Variants in MBOAT1 observed in about 807,000 individuals in gnomAD.
MBOAT1 encodes membrane-bound glycerophospholipid O-acyltransferase 1.
MBOAT1 carries 67 observed loss-of-function variants against 64.4 expected under a neutral mutation model. That is an observed-to-expected ratio of 1.04 (90% CI 0.85 to 1.27). The LOEUF is 1.27. MBOAT1 is among the 50% of genes most tolerant of loss of function. MBOAT1 has a pLI of 0.00. For synonymous variants in MBOAT1, 229 were observed against 218.9 expected, an observed-to-expected ratio of 1.05 and a Z score of -0.41; for missense variants, 563 against 604.6, an observed-to-expected ratio of 0.93 and a Z score of 0.72.
At chr6:20,205,002 G>C (rs1054194872) in intron 1 of MBOAT1, among the ~76,000 whole-genome samples, 2 of 152,148 alleles carry the variant, frequency 1.3e-5, no homozygotes, top group Non-Finnish European at 2.9e-5. Context: ...TTTAAGACCA[G>C]CCTGAGCAAC....
In MBOAT1 at chr6:20,113,062, G is replaced by A. The variant is rs113606223; in HGVS notation, c.1077-54C>T. 2.0e-3 allele frequency: 3,188 copies of A among 1,582,756 alleles called. 58 individuals carry two copies. In the African/African-American group the frequency reaches 0.038, roughly 19 times the overall value. ...GGTGAAACATACCAGAAACTTCTAAGTACAGCTGCTGTTTCTTGGATAAGA... is the reference window on the plus strand; with the variant it reads ...GGTGAAACATACCAGAAACTTCTAAATACAGCTGCTGTTTCTTGGATAAGA... On this transcript the variant is annotated intron_variant, in intron 10 of 12. Transcript: ENST00000324607.
At position 20,151,263 on chromosome 6, in the gene MBOAT1, C is replaced by A. The variant is rs1323795076; in HGVS notation, c.246-1G>T. ...CAGCACAAAAAGATGCACAGAGTAC[C>A]TTTAAGACATAATAGTAGGGGGAGG... On this transcript the variant is annotated splice_acceptor_variant, in intron 2 of 12. Transcript: ENST00000324607. LOFTEE classifies it high-confidence loss of function. 6.2e-7 allele frequency: 1 copy of A among 1,607,378 alleles called. No individual in the cohort carries two copies. The highest frequency in any genetic ancestry group is 1.1e-5 in the South Asian group (1 of 90,896).
intron 4 of MBOAT1, among the ~76,000 whole-genome samples, chr6:20,133,036 A>G (rs1760878668): frequency 6.6e-6 from 1 of 152,232 alleles, no homozygotes; most frequent in Non-Finnish European, 1.5e-5. Context: ...AAGATAAACT[A>G]TTTTAAAGAA....
intron 12 of MBOAT1, among the ~76,000 whole-genome samples, chr6:20,105,014 T>C (rs1171664771): frequency 2.0e-5 from 3 of 152,224 alleles, no homozygotes; most frequent in African/African-American, 7.2e-5. Context: ...AGTGACCATC[T>C]AATCTACTGT....
chr6:20,128,904 C>A, intron 5 of MBOAT1, 151 bp from the exon 6 acceptor site: 2 of 586,170 alleles, frequency 3.4e-6, no homozygotes, highest in Non-Finnish European at 5.9e-6. Context: ...TTTTTTAATG[C>A]CCTGGACCAA....
chr6:20,198,323 C>T (rs888102486), intron 1 of MBOAT1, among the ~76,000 whole-genome samples: 3 of 152,134 alleles, frequency 2.0e-5, no homozygotes, highest in East Asian at 1.9e-4. Context: ...CTTCTAAAAT[C>T]CTGCAAGTCA....
rs200148384 is a variant in MBOAT1, at chr6:20,144,306, A to C, written c.333T>G (p.Phe111Leu). ...TTGTAAGATATCCCATTGCTACAAA[A>C]AAGGAATATCTGAAAGCAAAAACAT... Reference protein sequence around the residue: ...ASVSNIHRYSFFVAMGYLTIC... With the variant: ...ASVSNIHRYSLFVAMGYLTIC... The change falls in exon 4 of 13, where the codon TTT becomes TTG. Residue 111 changes from phenylalanine (F) to leucine (L), a missense_variant. Physicochemically the swap from Phe to Leu is conservative, Grantham distance 22. Transcript: ENST00000324607. 69 of 1,608,618 alleles carry C rather than the reference A, an allele frequency of 4.3e-5. No homozygotes were observed. The highest frequency in any genetic ancestry group is 5.4e-5 in the Non-Finnish European group (64 of 1,176,286).
At chr6:20,212,048 G>T (rs1237515223) in intron 1 of MBOAT1, 88 bp downstream of exon 1, 3 of 1,158,244 alleles carry the variant, frequency 2.6e-6, no homozygotes, top group African/African-American at 3.0e-5. Context: ...CGCCATGGAG[G>T]CGGAGGGACG....
At chr6:20,136,086 T>G (rs1760983105) in intron 4 of MBOAT1, among the ~76,000 whole-genome samples, 1 of 152,136 alleles carries the variant, frequency 6.6e-6, no homozygotes, top group Admixed American at 6.5e-5. Context: ...ACAGCTTCAG[T>G]GGAATGCTCC....
At chr6:20,185,588 C>T (rs76483747) in intron 1 of MBOAT1, among the ~76,000 whole-genome samples, 4,285 of 152,258 alleles carry the variant, frequency 0.028, 193 homozygotes, top group African/African-American at 0.094. Flanking sequence ...CATAATCTTT[C>T]GCTCTCTCCA....
chr6:20,121,931 G>A (rs1217976254), intron 8 of MBOAT1, among the ~76,000 whole-genome samples: 3 of 152,148 alleles, frequency 2.0e-5, no homozygotes, highest in Non-Finnish European at 4.4e-5. Context: ...TTGGGAGGCT[G>A]AGGCGGGTGA....
intron 12 of MBOAT1, among the ~76,000 whole-genome samples, chr6:20,107,806 G>C (rs1243687840): frequency 1.3e-5 from 2 of 149,188 alleles, no homozygotes; most frequent in African/African-American, 5.0e-5. Flanking sequence ...AAAAAAAAAA[G>C]CATGTTAGAA....
chr6:20,111,008 T>C (rs1484376968), intron 11 of MBOAT1, among the ~76,000 whole-genome samples: 1 of 152,240 alleles, frequency 6.6e-6, no homozygotes, highest in African/African-American at 2.4e-5. Flanking sequence ...CCTGTGCTAA[T>C]GATTTGCATG....
Position 20,168,637 on chromosome 6 carries a change from AGAAGAGAGG to A in MBOAT1, c.100-15877_100-15869del, listed in dbSNP as rs1436973522. Among the ~76,000 whole-genome samples the A allele has an allele frequency of 7.7e-3, 965 of 126,008 alleles. 30 individuals carry two copies. The highest frequency in any genetic ancestry group is 0.026 in the African/African-American group (917 of 34,804). The allele number at this position is 126,008 out of a possible 152,430, so 82.7% of individuals were successfully genotyped here. On this transcript the variant is annotated intron_variant, in intron 1 of 12. Transcript: ENST00000324607. Reference sequence around the variant, plus strand: ...AGAAGAGAAGAGAAGAGAAGAGAAGAGAAGAGAGGAGAGGAGAGGGAAAGAGAGAAAGAG... The same window carrying A: ...AGAAGAGAAGAGAAGAGAAGAGAAGAAGAGGAGAGGGAAAGAGAGAAAGAG...
chr6:20,157,706 AG>A (rs1761735186), intron 1 of MBOAT1, among the ~76,000 whole-genome samples: 1 of 152,062 alleles, frequency 6.6e-6, no homozygotes, highest in South Asian at 2.1e-4. Flanking sequence ...AAGTTTAGGG[AG>A]GAGCTGGGCA....
chr6:20,107,436 C>A (rs1759992633), intron 12 of MBOAT1, among the ~76,000 whole-genome samples: 1 of 152,222 alleles, frequency 6.6e-6, no homozygotes, highest in Non-Finnish European at 1.5e-5. Context: ...TCCCACTGCA[C>A]AACCTCCAGG....
At chr6:20,175,252 C>T (rs545819274) in intron 1 of MBOAT1, among the ~76,000 whole-genome samples, 7 of 151,982 alleles carry the variant, frequency 4.6e-5, no homozygotes, top group South Asian at 2.1e-4. Flanking sequence ...TTTTAAGCTC[C>T]GGTTCTTTTT....
chr6:20,137,579 A>G (rs374818027), intron 4 of MBOAT1, among the ~76,000 whole-genome samples: 3 of 152,338 alleles, frequency 2.0e-5, no homozygotes, highest in East Asian at 3.9e-4. Context: ...AGCAGCACCA[A>G]TAAAAGTGTA....
rs1292897988 is a variant in MBOAT1, at chr6:20,102,243, C to T, written c.*43G>A. On this transcript the variant is annotated 3_prime_UTR_variant, in exon 13 of 13. Transcript: ENST00000324607. ...CTTGAAGCCTTGTCATCTCATCTTT[C>T]GAACGTTCTGCAGTTTTGCTTGTTC... The T allele has an allele frequency of 1.9e-6, 3 of 1,593,622 alleles. No homozygotes were observed. Among genetic ancestry groups the T allele is most frequent in the Non-Finnish European group, 1.7e-6 (2 of 1,169,382 alleles).
Sources: allele counts gnomAD v4.1 joint callset (sites outside exome capture counted in the v4.1 genomes callset), GRCh38; gene constraint gnomAD v4.1.1; transcripts MANE v1.5; gene names NCBI Gene and HGNC (gene_info 2026-07-23, HGNC 2026-07-21).